TNS3: variants seen among roughly 807,000 people sequenced by gnomAD.
The protein encoded by TNS3 is tensin 3, also known as tensin-3.
TNS3 carries 45 observed loss-of-function variants against 140.9 expected under a neutral mutation model. That is an observed-to-expected ratio of 0.32 (90% CI 0.25 to 0.41). TNS3 has a LOEUF of 0.41. TNS3 is among the 10% of genes least tolerant of loss of function. TNS3 has a pLI of 1.00. For missense variants in TNS3, 1,716 were observed against 1,906.7 expected (o/e 0.90, Z 1.86); for synonymous variants, 815 against 788.4 (o/e 1.03, Z -0.56).
rs778224533 is a variant in TNS3, at chr7:47,435,395, C to T, written c.211G>A (p.Val71Met). The T allele has an allele frequency of 2.5e-6, 4 of 1,613,692 alleles. No homozygotes were observed. Among genetic ancestry groups the T allele is most frequent in the Non-Finnish European group, 3.4e-6 (4 of 1,179,992 alleles). Residue 71 changes from valine (V) to methionine (M), a missense_variant, in exon 8 of 31, where the codon GTG (valine) becomes ATG (methionine). This residue lies in a region of TNS3 where 337 missense variants were observed against 428.9 expected (regional missense o/e 0.79). Transcript: ENST00000311160. ...LTKLNPKIMD[V>M]GWPELHAPPL... ...GGTGCGTGGAGCTCTGGCCAGCCCA[C>T]ATCCATGATCTGCAACAAGAAAGGG...
chr7:47,457,598 A>C (rs987211772), intron 4 of TNS3, among the ~76,000 whole-genome samples: 1 of 151,914 alleles, frequency 6.6e-6, no homozygotes, highest in African/African-American at 2.4e-5. Context: ...GCTATCAAAA[A>C]CCCATCACCA....
At position 47,304,891 on chromosome 7, in the gene TNS3, C is replaced by A; in HGVS notation, c.2763G>T (p.Gln921His). 1 of 1,418,482 alleles carries A rather than the reference C, an allele frequency of 7.0e-7. No individual in the cohort carries two copies. The allele number at this position is 1,418,482 out of a possible 1,614,324, so 87.9% of individuals were successfully genotyped here. A position where few individuals can be genotyped will look rare whatever the true frequency, so the allele number is the denominator to read the frequency against. Residue 921 changes from glutamine to histidine, a missense_variant, in exon 21 of 31, where the codon CAG becomes CAT. Gln to His is a conservative substitution (Grantham distance 24). This residue lies in a region of TNS3 where 1,163 missense variants were observed against 1,182.1 expected (regional missense o/e 0.98). Transcript: ENST00000311160. ...RADASSTPSF[Q>H]QAFASSCTIS... ...TGGTGCAGGAAGAAGCAAAAGCCTG[C>A]TGAAAGGAGGGCGTCGAGGACGCAT...
At chr7:47,570,617 C>T (rs1252038867) in intron 1 of TNS3, among the ~76,000 whole-genome samples, 1 of 152,218 alleles carries the variant, frequency 6.6e-6, no homozygotes, top group Admixed American at 6.5e-5. Flanking sequence ...TTCCCTCTCT[C>T]CTCGTAAGCA....
chr7:47,299,016 G>A (rs930127482), intron 23 of TNS3, among the ~76,000 whole-genome samples: 2 of 152,242 alleles, frequency 1.3e-5, no homozygotes, highest in African/African-American at 2.4e-5. Flanking sequence ...CCAGGGCTGG[G>A]TGGGGGGCCT....
At chr7:47,525,813 C>A (rs1799170722) in intron 2 of TNS3, among the ~76,000 whole-genome samples, 1 of 152,234 alleles carries the variant, frequency 6.6e-6, no homozygotes. Flanking sequence ...CACACTCAGG[C>A]ACATACACAC....
chr7:47,577,006 C>T (rs897901619), intron 1 of TNS3, among the ~76,000 whole-genome samples: 14 of 152,238 alleles, frequency 9.2e-5, no homozygotes, highest in Non-Finnish European at 1.8e-4. Flanking sequence ...TTGGTCTCTA[C>T]TTTTCAGGAG....
intron 10 of TNS3, among the ~76,000 whole-genome samples, chr7:47,419,510 A>C: frequency 6.6e-6 from 1 of 152,206 alleles, no homozygotes; most frequent in East Asian, 1.9e-4. Context: ...ACTTTAGGAG[A>C]AAGTAAAGTT....
intron 1 of TNS3, among the ~76,000 whole-genome samples, chr7:47,558,922 C>T (rs973141525): frequency 3.3e-5 from 5 of 152,100 alleles, no homozygotes; most frequent in East Asian, 1.9e-4. Flanking sequence ...CAAAACTGGC[C>T]GCAAATCTCC....
rs573275400 is a variant in TNS3, at chr7:47,442,757, C to T, written c.-75-702G>A. On this transcript the variant is annotated intron_variant, in intron 4 of 30. Coordinates refer to ENST00000311160, the MANE Select transcript of TNS3 (RefSeq NM_022748.12). Reference sequence around the variant, plus strand: ...CCTCAAAGTCTCTTTCTGCCCCAAGCCAGGTAATGCTGCACACAGGAGCCC... The same window carrying T: ...CCTCAAAGTCTCTTTCTGCCCCAAGTCAGGTAATGCTGCACACAGGAGCCC... Among the ~76,000 whole-genome samples, 7 of 152,316 alleles carry T rather than the reference C, an allele frequency of 4.6e-5. No individual in the cohort carries two copies. In the South Asian group the frequency reaches 1.0e-3, roughly 23 times the overall value.
intron 9 of TNS3, among the ~76,000 whole-genome samples, chr7:47,425,377 TGTC>T (rs1484875246): frequency 6.6e-6 from 1 of 152,118 alleles, no homozygotes; most frequent in Non-Finnish European, 1.5e-5. Context: ...TAGAAAAATG[TGTC>T]TGTGCCCCTC....
At chr7:47,312,401 C>T (rs1210300466) in intron 20 of TNS3, among the ~76,000 whole-genome samples, 1 of 152,080 alleles carries the variant, frequency 6.6e-6, no homozygotes, top group Admixed American at 6.6e-5. Flanking sequence ...ATTTCTTTTC[C>T]ATTAAAAATG....
chr7:47,462,767 T>C (rs1040137606), intron 4 of TNS3, among the ~76,000 whole-genome samples: 1 of 152,110 alleles, frequency 6.6e-6, no homozygotes, highest in Admixed American at 6.5e-5. Flanking sequence ...TCTACCTCCC[T>C]AGAACTCCAC....
intron 11 of TNS3, among the ~76,000 whole-genome samples, chr7:47,414,576 T>TC: frequency 6.6e-6 from 1 of 152,274 alleles, no homozygotes; most frequent in South Asian, 2.1e-4. Flanking sequence ...AGGGCCGTGA[T>TC]CCCCAGTCGT....
intron 27 of TNS3, among the ~76,000 whole-genome samples, chr7:47,284,087 T>A (rs1322293915): frequency 3.9e-5 from 6 of 152,198 alleles, no homozygotes; most frequent in Admixed American, 2.0e-4. Context: ...AGGCAGAGAA[T>A]AAGCGAGTTA....
intron 20 of TNS3, among the ~76,000 whole-genome samples, chr7:47,310,904 C>A (rs950347313): frequency 6.6e-6 from 1 of 152,142 alleles, no homozygotes; most frequent in Non-Finnish European, 1.5e-5. Context: ...TGAACTCATT[C>A]TTTTTTATGG....
At chr7:47,410,065 G>A (rs1279845584) in intron 13 of TNS3, among the ~76,000 whole-genome samples, 3 of 152,144 alleles carry the variant, frequency 2.0e-5, no homozygotes, top group South Asian at 2.1e-4. Context: ...TTCGTCCAAC[G>A]ATCCCAGGAA....
intron 23 of TNS3, among the ~76,000 whole-genome samples, chr7:47,299,516 T>A (rs558037201): frequency 2.0e-5 from 3 of 152,338 alleles, no homozygotes; most frequent in Admixed American, 6.5e-5. Context: ...TCAGAGCTTT[T>A]CTTTTTGTAA....
chr7:47,349,484 A>G (rs1789539600), intron 17 of TNS3, among the ~76,000 whole-genome samples: 1 of 152,252 alleles, frequency 6.6e-6, no homozygotes, highest in Admixed American at 6.5e-5. Context: ...GGCCAGAAAG[A>G]GGCTCTGCAA....
intron 17 of TNS3, among the ~76,000 whole-genome samples, chr7:47,350,889 C>G (rs1054879211): frequency 5.9e-5 from 9 of 152,194 alleles, no homozygotes; most frequent in African/African-American, 2.2e-4. Flanking sequence ...CACGCTCCAA[C>G]ATTAAGTGAC....
Sources: allele counts gnomAD v4.1 joint callset (sites outside exome capture counted in the v4.1 genomes callset), GRCh38; gene constraint gnomAD v4.1.1; regional missense constraint gnomAD v4.1.1; transcripts MANE v1.5; gene names NCBI Gene and HGNC (gene_info 2026-07-23, HGNC 2026-07-21).